The following MINDY2 variants were observed in gnomAD, a reference collection of about 807,000 sequenced individuals.
MINDY2 encodes ubiquitin carboxyl-terminal hydrolase MINDY-2.
MINDY2 carries 52 observed loss-of-function variants against 68.2 expected under a neutral mutation model. That is an observed-to-expected ratio of 0.76 (90% CI 0.61 to 0.96). MINDY2 has a LOEUF of 0.96. Among genes scored for constraint, MINDY2 ranks in the 40% least tolerant of loss-of-function variants. The probability of loss-of-function intolerance (pLI) is 0.00; values close to 1 mark genes in which losing one functional copy is unlikely to be tolerated. For synonymous variants in MINDY2, 372 were observed against 303.0 expected (o/e 1.23, Z -2.36); for missense variants, 881 against 773.4 (o/e 1.14, Z -1.65).
intron 6 of MINDY2, among the ~76,000 whole-genome samples, chr15:58,840,840 T>G (rs1257678512): frequency 2.0e-5 from 3 of 147,538 alleles, no homozygotes; most frequent in Non-Finnish European, 3.0e-5. Context: ...TTTTTTTTTT[T>G]TGTATTTTTA....
In MINDY2 at chr15:58,861,781, G is replaced by A. The variant is rs1464792588; in HGVS notation, c.*7171G>A. 1 of 152,026 alleles carries A rather than the reference G, an allele frequency of 6.6e-6. No individual in the cohort carries two copies. Among genetic ancestry groups the A allele is most frequent in the Non-Finnish European group, 1.5e-5 (1 of 68,016 alleles). 9.4% of individuals were successfully genotyped at this position (152,026 alleles called of 1,614,324 possible). A position where few individuals can be genotyped will look rare whatever the true frequency, so the allele number is the denominator to read the frequency against. ...GTACCACAAAGATAGTGTCATTGTT[G>A]GGTTAAAATGTTGGCTGTTTTTGTT... On this transcript the variant is annotated 3_prime_UTR_variant, in exon 9 of 9. Coordinates refer to ENST00000559228, the MANE Select transcript of MINDY2 (RefSeq NM_001040450.3).
At chr15:58,817,810 G>A (rs975236317) in intron 4 of MINDY2, 27 of 152,250 alleles carry the variant, frequency 1.8e-4, no homozygotes, top group Non-Finnish European at 2.5e-4. Context: ...CTTGTGATGA[G>A]AGTGGAAATT....
intron 7 of MINDY2, among the ~76,000 whole-genome samples, chr15:58,848,571 G>A (rs1349371780): frequency 6.6e-6 from 1 of 151,888 alleles, no homozygotes; most frequent in Non-Finnish European, 1.5e-5. Context: ...GTGAAACCCC[G>A]TCTCTACTAA....
intron 8 of MINDY2, among the ~76,000 whole-genome samples, chr15:58,853,958 A>C (rs1486927090): frequency 2.0e-5 from 3 of 151,910 alleles, no homozygotes; most frequent in Non-Finnish European, 4.4e-5. Flanking sequence ...ATTTGACTTT[A>C]GGCAATATAA....
chr15:58,795,350 C>A (rs1211835880), intron 2 of MINDY2, among the ~76,000 whole-genome samples: 2 of 152,016 alleles, frequency 1.3e-5, no homozygotes, highest in African/African-American at 4.8e-5. Context: ...ACACTTTTGT[C>A]CTAATGGCTC....
At chr15:58,843,379 G>A (rs1395546826) in intron 6 of MINDY2, among the ~76,000 whole-genome samples, 1 of 152,008 alleles carries the variant, frequency 6.6e-6, no homozygotes, top group Non-Finnish European at 1.5e-5. Flanking sequence ...TGAAACTCCT[G>A]ACCTCAAGTG....
rs755003332 is a variant in MINDY2, at chr15:58,810,262, A to G, written c.996A>G (p.Lys332=). The change falls in exon 4 of 9, where the codon AAA becomes AAG. Residue 332 remains lysine, a synonymous_variant. Transcript: ENST00000559228. ...NMSDAMAILH[K]LQTGLDVNVR... ...GTGATGCCATGGCAATTTTGCACAA[A>G]CTACAGACAGGCCTGGATGTAAATG... 1.2e-6 allele frequency: 2 copies of G among 1,611,504 alleles called. No individual in the cohort carries two copies. Among genetic ancestry groups the G allele is most frequent in the Admixed American group, 1.7e-5 (1 of 59,348 alleles).
intron 5 of MINDY2, among the ~76,000 whole-genome samples, chr15:58,828,335 CAAGTT>C (rs750715877): frequency 6.6e-5 from 10 of 152,068 alleles, no homozygotes; most frequent in Non-Finnish European, 1.3e-4. Flanking sequence ...GTCACAGTGA[CAAGTT>C]AAGTTCTCAC....
rs1274745195 is a variant in MINDY2, at chr15:58,771,347, G to A, written c.-49G>A. The A allele has an allele frequency of 6.4e-7, 1 of 1,562,360 alleles. No individual in the cohort carries two copies. On this transcript the variant is annotated 5_prime_UTR_variant, in exon 1 of 9. Coordinates refer to ENST00000559228, the MANE Select transcript of MINDY2 (RefSeq NM_001040450.3). ...TGTCATGGCGTCCAAGGCGCTGGCT[G>A]CGGAGAAGTGGCCGCGGTCTCCATA... is the stretch of plus-strand genomic sequence containing the variant.
At chr15:58,832,548 A>G (rs1421948187) in intron 6 of MINDY2, among the ~76,000 whole-genome samples, 1 of 128,586 alleles carries the variant, frequency 7.8e-6, no homozygotes, top group Non-Finnish European at 1.6e-5. Flanking sequence ...TTCTTTCTTG[A>G]GACAGAGTTT....
At chr15:58,838,876 C>T (rs768269501) in intron 6 of MINDY2, among the ~76,000 whole-genome samples, 4 of 151,692 alleles carry the variant, frequency 2.6e-5, no homozygotes, top group South Asian at 4.2e-4. Flanking sequence ...CCACTGAGCC[C>T]GGCCTAATTT....
At chr15:58,806,347 G>A (rs978382854) in intron 3 of MINDY2, among the ~76,000 whole-genome samples, 1 of 149,128 alleles carries the variant, frequency 6.7e-6, no homozygotes, top group African/African-American at 2.5e-5. Flanking sequence ...GTGAGTCAAC[G>A]TGCCAACTTT....
chr15:58,828,575 CTTTT>C (rs1163905877), intron 5 of MINDY2, among the ~76,000 whole-genome samples: 1 of 106,142 alleles, frequency 9.4e-6, no homozygotes, highest in Non-Finnish European at 1.9e-5. Flanking sequence ...TATTGAATTT[CTTTT>C]TTTTTTTTTT....
At chr15:58,803,833 G>T (rs571340679) in intron 3 of MINDY2, among the ~76,000 whole-genome samples, 299 of 151,506 alleles carry the variant, frequency 2.0e-3, no homozygotes, top group African/African-American at 6.9e-3. Flanking sequence ...AAGAGGCCGG[G>T]CGTGGTGGCT....
chr15:58,788,139 C>G (rs1031585399), intron 2 of MINDY2, among the ~76,000 whole-genome samples, 176 bp downstream of exon 2: 1 of 152,140 alleles, frequency 6.6e-6, no homozygotes, highest in Non-Finnish European at 1.5e-5. Context: ...ATGGTATAGT[C>G]TTCTTTCTGA....
intron 8 of MINDY2, among the ~76,000 whole-genome samples, chr15:58,853,976 T>TAAA (rs1268555597): frequency 1.3e-5 from 2 of 152,076 alleles, no homozygotes; most frequent in African/African-American, 4.8e-5. Context: ...TAATCTTACG[T>TAAA]TATTTACTGT....
intron 1 of MINDY2, among the ~76,000 whole-genome samples, chr15:58,784,364 A>C (rs1901344202): frequency 6.6e-6 from 1 of 152,106 alleles, no homozygotes; most frequent in South Asian, 2.1e-4. Flanking sequence ...AAATCTAGTT[A>C]ATTCAGTAAT....
At chr15:58,829,445 T>G (rs553192556) in intron 5 of MINDY2, among the ~76,000 whole-genome samples, 6 of 152,350 alleles carry the variant, frequency 3.9e-5, no homozygotes, top group African/African-American at 1.2e-4. Flanking sequence ...GGCAAGTCAC[T>G]TATTCTCTCT....
intron 3 of MINDY2, among the ~76,000 whole-genome samples, chr15:58,808,685 A>G (rs1346056161): frequency 5.3e-5 from 8 of 152,220 alleles, no homozygotes; most frequent in Middle Eastern, 3.4e-3. Context: ...GCTCACTGCA[A>G]GCTCTGCCTG....
Sources: gnomAD v4.1 joint callset for allele counts (sites outside exome capture counted in the v4.1 genomes callset) on GRCh38, gnomAD v4.1.1 for gene constraint, MANE v1.5 for transcripts, NCBI Gene and HGNC (gene_info 2026-07-23, HGNC 2026-07-21) for gene names.